The following PAPLN variants were observed in gnomAD, a reference collection of about 807,000 sequenced individuals.
PAPLN encodes the protein papilin, proteoglycan like sulfated glycoprotein.
A neutral mutation model predicts 159.0 loss-of-function variants in PAPLN; 146 were observed. The observed-to-expected ratio is 0.92, with a 90% CI of 0.80 to 1.05. The LOEUF is 1.05. Among genes scored for constraint, PAPLN ranks in the 50% least tolerant of loss-of-function variants. The pLI is 0.00. For synonymous variants in PAPLN, 734 were observed against 702.9 expected (o/e 1.04, Z -0.70); for missense variants, 1,720 against 1,743.9 (o/e 0.99, Z 0.24).
At position 73,268,665 on chromosome 14, in the gene PAPLN, T is replaced by C. The variant is rs1887441750; in HGVS notation, c.3609T>C (p.Ser1203=). ...GGGATGAGGGCTCCTACACGTGCAG[T>C]GCCTACCAGGGGAGCCAGGCAGTCA... ...RARDEGSYTC[S]AYQGSQAVSR... Residue 1203 remains serine (S), a synonymous_variant, in exon 26 of 27, where the codon AGT becomes AGC. Transcript: ENST00000644200. 6.2e-7 allele frequency: 1 copy of C among 1,613,736 alleles called. No homozygotes were observed. The highest frequency in any genetic ancestry group is 1.7e-5 in the Admixed American group (1 of 59,984).
At chr14:73,267,668 G>T (rs1887351000) in intron 25 of PAPLN, among the ~76,000 whole-genome samples, 1 of 152,236 alleles carries the variant, frequency 6.6e-6, no homozygotes, top group African/African-American at 2.4e-5. Context: ...ATTGCGGAGG[G>T]CATCTGTGTC....
chr14:73,254,839 C>A (rs756357728), intron 13 of PAPLN, 38 bp from the exon 14 acceptor site: 4 of 1,606,418 alleles, frequency 2.5e-6, no homozygotes, highest in Non-Finnish European at 3.4e-6. Flanking sequence ...CCCAGCCTCG[C>A]CCTCAGCATC....
Position 73,264,671 on chromosome 14 carries a change from G to C in PAPLN, c.3070G>C (p.Gly1024Arg). The C allele has an allele frequency of 6.2e-7, 1 of 1,610,706 alleles. No homozygotes were observed. Among genetic ancestry groups the C allele is most frequent in the Non-Finnish European group, 8.5e-7 (1 of 1,179,182 alleles). The change falls in exon 22 of 27, where the codon GGG becomes CGG. Residue 1024 changes from glycine (G) to arginine (R), a missense_variant. Physicochemically the swap from Gly to Arg is moderately radical, Grantham distance 125. Coordinates refer to ENST00000644200, the MANE Select transcript of PAPLN (RefSeq NM_001365906.3). ...CCCAGCTCAGGACTTTGGCCAAGCG[G>C]GGGCTGCTGGGCCCCTGGGGGCCAT... ...RDPAQDFGQA[G>R]AAGPLGAIPS...
chr14:73,251,730 T>C lies in PAPLN; in HGVS notation c.737T>C (p.Leu246Pro), dbSNP rs767230893. The change falls in exon 9 of 27, where the codon CTG becomes CCG. Residue 246 changes from leucine to proline, a missense_variant. Coordinates refer to ENST00000644200, the MANE Select transcript of PAPLN (RefSeq NM_001365906.3). ...TGGACCATCGAGGCGGCCCGGGCCC[T>C]GCCAGCAGCCAGCACCATCCTGCAT... is the stretch of plus-strand genomic sequence containing the variant. Reference protein sequence around the residue: ...GHWTIEAARALPAASTILHYE... With the variant: ...GHWTIEAARAPPAASTILHYE... The C allele has an allele frequency of 9.9e-6, 16 of 1,612,548 alleles. No homozygotes were observed. In the Admixed American group the frequency reaches 2.3e-4, roughly 24 times the overall value.
In PAPLN at chr14:73,245,027, G is replaced by A. The variant is rs1884044285; in HGVS notation, c.170+268G>A. 1 of 340,276 alleles carries A rather than the reference G, an allele frequency of 2.9e-6. No individual in the cohort carries two copies. The highest frequency in any genetic ancestry group is 5.7e-5 in the South Asian group (1 of 17,608). 21.1% of individuals were successfully genotyped at this position (340,276 alleles called of 1,614,324 possible). A position where few individuals can be genotyped will look rare whatever the true frequency, so the allele number is the denominator to read the frequency against. On this transcript the variant is annotated intron_variant, in intron 3 of 26. Coordinates refer to ENST00000644200, the MANE Select transcript of PAPLN (RefSeq NM_001365906.3). This position sits in a 1 kb window ranked among gnomAD's most constrained non-coding sequence, Gnocchi z 4.2. ...GCTGCACCGGCCTGCAGTATGGCAG[G>A]TGCAGTCAATTTTGCTGGAACTGGT... is the stretch of plus-strand genomic sequence containing the variant.
In PAPLN at chr14:73,239,879, C is replaced by T. The variant is rs759637231; in HGVS notation, c.54+47C>T. ...CCCCCGGAGGAACCTGCAGGGGAGT[C>T]GGGGGCGGGGACGCGCGGGCCCGCA... On this transcript the variant is annotated intron_variant, in intron 2 of 26. Transcript: ENST00000644200. 6.7e-5 allele frequency: 101 copies of T among 1,516,812 alleles called. 1 individual carries two copies. In the South Asian group the frequency reaches 1.2e-3, roughly 17 times the overall value. The allele number at this position is 1,516,812 out of a possible 1,614,324, so 94.0% of individuals were successfully genotyped here.
chr14:73,264,777 C>T lies in PAPLN; in HGVS notation c.3125+51C>T, dbSNP rs377436275. The T allele has an allele frequency of 1.1e-4, 173 of 1,606,428 alleles. No individual in the cohort carries two copies. In the African/African-American group the frequency reaches 1.9e-3, roughly 18 times the overall value. On this transcript the variant is annotated intron_variant, in intron 22 of 26. Transcript: ENST00000644200. ...CCCTCCCCCACGCCAGGGCCAGGGC[C>T]GGGGGTCTCAGTGGATAAGGAGGGG... is the stretch of plus-strand genomic sequence containing the variant.
Position 73,252,736 on chromosome 14 carries a change from G to C in PAPLN, c.1055G>C (p.Arg352Pro). 1 of 1,613,564 alleles carries C rather than the reference G, an allele frequency of 6.2e-7. No individual in the cohort carries two copies. The highest frequency in any genetic ancestry group is 8.5e-7 in the Non-Finnish European group (1 of 1,180,002). ...CAGCGCCAGCCACGGCCAGCTGACC[G>C]GCGTTCCTGCAATCTTCACCCTTGC... ...MCQRQPRPADRRSCNLHPCPE... is the reference protein window; with the variant it reads ...MCQRQPRPADPRSCNLHPCPE... Residue 352 changes from arginine (R) to proline (P), a missense_variant, in exon 11 of 27, where the codon CGG (arginine) becomes CCG (proline). Transcript: ENST00000644200.
At chr14:73,263,565 T>A in intron 19 of PAPLN, 80 bp from the exon 20 acceptor site, 1 of 1,579,346 alleles carries the variant, frequency 6.3e-7, no homozygotes. Context: ...CCAAGCTGTC[T>A]GTCATGGAAC....
chr14:73,253,446 C>T (rs762007594), intron 11 of PAPLN, among the ~76,000 whole-genome samples: 15 of 152,076 alleles, frequency 9.9e-5, no homozygotes, highest in African/African-American at 1.9e-4. Context: ...AAGGTCAGAC[C>T]GAGAGGAATG....
intron 26 of PAPLN, among the ~76,000 whole-genome samples, chr14:73,271,704 AT>A (rs1887738985): frequency 1.3e-5 from 2 of 151,950 alleles, no homozygotes; most frequent in South Asian, 2.1e-4. Flanking sequence ...GTTTCACCAT[AT>A]TGGCCAGGCT....
At chr14:73,252,804 G>C in intron 11 of PAPLN, 29 bp downstream of exon 11, 2 of 1,611,788 alleles carry the variant, frequency 1.2e-6, no homozygotes, top group African/African-American at 1.3e-5. Context: ...CTCTACCCAT[G>C]ATGAGGCCCA....
intron 26 of PAPLN, among the ~76,000 whole-genome samples, chr14:73,269,614 G>A (rs2140313116): frequency 6.6e-6 from 1 of 152,344 alleles, no homozygotes; most frequent in East Asian, 1.9e-4. Context: ...ATAAGCAGGA[G>A]GGAAAGGGGG....
intron 25 of PAPLN, among the ~76,000 whole-genome samples, chr14:73,267,057 A>G (rs1447583060): frequency 6.6e-6 from 1 of 152,170 alleles, no homozygotes; most frequent in Non-Finnish European, 1.5e-5. Flanking sequence ...TAACCTCAGC[A>G]CTGCTGACAG....
intron 20 of PAPLN, 86 bp from the exon 21 acceptor site, chr14:73,264,125 T>G: frequency 6.3e-7 from 1 of 1,598,704 alleles, no homozygotes; most frequent in Non-Finnish European, 8.5e-7. Context: ...TCTGGTCCCC[T>G]CTGGCACGAG....
chr14:73,260,126 G>C lies in PAPLN; in HGVS notation c.1985+581G>C, dbSNP rs1325846106. On this transcript the variant is annotated intron_variant, in intron 16 of 26. Coordinates refer to ENST00000644200, the MANE Select transcript of PAPLN (RefSeq NM_001365906.3). ...CAGACACTCACCGGCTATGTGCTGG[G>C]TGACTTGGGCCACGTGACTTAACCT... 2.6e-5 allele frequency among the ~76,000 whole-genome samples: 4 copies of C among 152,332 alleles called. No individual in the cohort carries two copies. The South Asian group carries it at 8.3e-4, about 32-fold the overall frequency.
At position 73,258,924 on chromosome 14, in the gene PAPLN, G is replaced by A. The variant is rs1011408493; in HGVS notation, c.1628-55G>A. On this transcript the variant is annotated intron_variant, in intron 14 of 26. Coordinates refer to ENST00000644200, the MANE Select transcript of PAPLN (RefSeq NM_001365906.3). ...CTGGGCAGGGCTGGCCACAGCTCAG[G>A]TCCATCCTCTCTTCCTCCCTCTCCG... 3.3e-6 allele frequency: 5 copies of A among 1,517,278 alleles called. No individual in the cohort carries two copies. In the South Asian group the frequency reaches 3.8e-5, roughly 12 times the overall value. 94.0% of individuals were successfully genotyped at this position (1,517,278 alleles called of 1,614,324 possible).
chr14:73,247,837 TGTGGTG>T (rs1197866019), intron 5 of PAPLN, among the ~76,000 whole-genome samples: 1 of 117,328 alleles, frequency 8.5e-6, no homozygotes, highest in Non-Finnish European at 1.7e-5. Flanking sequence ...TGTGTGTGTG[TGTGGTG>T]GCGATCGTGG....
chr14:73,268,658 C>T lies in PAPLN; in HGVS notation c.3602C>T (p.Thr1201Met), dbSNP rs4903104. ...NLRARDEGSY[T>M]CSAYQGSQAV... The stretch of plus-strand genomic sequence containing the variant: ...CGGGCCAGGGATGAGGGCTCCTACA[C>T]GTGCAGTGCCTACCAGGGGAGCCAG... The change falls in exon 26 of 27, where the codon ACG becomes ATG. Residue 1201 changes from threonine to methionine, a missense_variant. Coordinates refer to ENST00000644200, the MANE Select transcript of PAPLN (RefSeq NM_001365906.3). 275,197 of 1,613,598 alleles carry T rather than the reference C, an allele frequency of 0.17. 24,902 individuals carry two copies. The highest frequency in any genetic ancestry group is 0.22 in the South Asian group (19,745 of 91,008).
Sources: gnomAD v4.1 joint callset for allele counts (sites outside exome capture counted in the v4.1 genomes callset) on GRCh38, gnomAD v4.1.1 for gene constraint, Gnocchi (gnomAD v3.1) non-coding constraint, MANE v1.5 for transcripts, NCBI Gene and HGNC (gene_info 2026-07-23, HGNC 2026-07-21) for gene names.